BCL2L13: variants seen among roughly 807,000 people sequenced by gnomAD.
BCL2L13 encodes the protein BCL2 like 13, also known as bcl-2-like protein 13.
In BCL2L13, 13 loss-of-function variants were observed where a neutral mutation model predicts 25.8. That is an observed-to-expected ratio of 0.50 (90% CI 0.33 to 0.80). BCL2L13 has a LOEUF of 0.80. BCL2L13 is among the 30% of genes least tolerant of loss of function. The pLI, the probability that BCL2L13 is intolerant of heterozygous loss-of-function variation, is 0.02. For synonymous variants in BCL2L13, 244 were observed against 230.3 expected (o/e 1.06, Z -0.54); for missense variants, 504 against 574.9 (o/e 0.88, Z 1.26).
chr22:17,656,201 C>G (rs991520251), intron 2 of BCL2L13, among the ~76,000 whole-genome samples: 1 of 147,676 alleles, frequency 6.8e-6, no homozygotes, highest in Non-Finnish European at 1.5e-5. Flanking sequence ...GATCGCACCA[C>G]TGCGCTCCAG....
At chr22:17,689,908 G>T (rs1210448370) in intron 4 of BCL2L13, among the ~76,000 whole-genome samples, 2 of 151,624 alleles carry the variant, frequency 1.3e-5, no homozygotes, top group Non-Finnish European at 2.9e-5. Flanking sequence ...CAACTTTAGG[G>T]TTGCACATCT....
chr22:17,686,860 A>G (rs945443315), intron 3 of BCL2L13, among the ~76,000 whole-genome samples: 2 of 152,266 alleles, frequency 1.3e-5, no homozygotes, highest in African/African-American at 4.8e-5. Context: ...GATTCTCTTC[A>G]TGTATATTCT....
intron 5 of BCL2L13, among the ~76,000 whole-genome samples, chr22:17,700,542 G>A (rs1210155392): frequency 6.6e-6 from 1 of 152,150 alleles, no homozygotes. Context: ...TTGAAGTCCA[G>A]AACATCCCGG....
intron 2 of BCL2L13, among the ~76,000 whole-genome samples, chr22:17,660,941 C>T (rs1208515884): frequency 1.4e-5 from 2 of 143,524 alleles, no homozygotes; most frequent in Non-Finnish European, 3.2e-5. Flanking sequence ...CATGCCACCA[C>T]ACCCAGCTAA....
At chr22:17,685,511 A>T (rs1157245747) in intron 3 of BCL2L13, among the ~76,000 whole-genome samples, 1 of 152,128 alleles carries the variant, frequency 6.6e-6, no homozygotes, top group Non-Finnish European at 1.5e-5. Context: ...GGCGTGAACA[A>T]CTGCACCTGG....
chr22:17,719,864 A>G (rs1476009884), intron 6 of BCL2L13, among the ~76,000 whole-genome samples: 1 of 149,184 alleles, frequency 6.7e-6, no homozygotes, highest in Non-Finnish European at 1.5e-5. Context: ...TGAAGTATGG[A>G]TACATGCTAC....
Position 17,661,432 on chromosome 22 carries a change from G to C in BCL2L13, c.121+5600G>C, listed in dbSNP as rs1399728597. ...AGTGGTACTTTTTAAAAAACTTTAA[G>C]CTAGTGTTGTAAACTTTTCTTTTTA... On this transcript the variant is annotated intron_variant, in intron 2 of 6. Coordinates refer to ENST00000317582, the MANE Select transcript of BCL2L13 (RefSeq NM_015367.4). Among the ~76,000 whole-genome samples the C allele has an allele frequency of 1.4e-5, 2 of 145,930 alleles. 1 individual carries two copies. Among genetic ancestry groups the C allele is most frequent in the Non-Finnish European group, 3.1e-5 (2 of 64,234 alleles).
chr22:17,699,529 T>C (rs2060368170), intron 5 of BCL2L13, among the ~76,000 whole-genome samples: 1 of 152,128 alleles, frequency 6.6e-6, no homozygotes, highest in African/African-American at 2.4e-5. Flanking sequence ...GTAATCTGTT[T>C]TGATGGTCAA....
At chr22:17,685,754 C>CTTTTTCTT (rs2059909673) in intron 3 of BCL2L13, among the ~76,000 whole-genome samples, 1 of 53,996 alleles carries the variant, frequency 1.9e-5, no homozygotes, top group African/African-American at 6.3e-5. Context: ...ATAATTTTTT[C>CTTTTTCTT]TTTTTCTTTT....
At chr22:17,703,371 T>C (rs1455146991) in intron 6 of BCL2L13, 1 of 152,230 alleles carries the variant, frequency 6.6e-6, no homozygotes, top group African/African-American at 2.4e-5. Flanking sequence ...AGAGACATGT[T>C]CTATTTGCTA....
At position 17,727,694 on chromosome 22, in the gene BCL2L13, A is replaced by C. The variant is rs1025740315; in HGVS notation, c.*160A>C. On this transcript the variant is annotated 3_prime_UTR_variant, in exon 7 of 7. Transcript: ENST00000317582. ...GGCATGTTAGGCATGTTAGGGCTTG[A>C]GGTGGGGCATTCACATTCATCTGAC... 1.2e-5 allele frequency: 11 copies of C among 932,190 alleles called. No individual in the cohort carries two copies. The Admixed American group carries it at 3.1e-4, about 26-fold the overall frequency. The allele number at this position is 932,190 out of a possible 1,614,324, so 57.7% of individuals were successfully genotyped here.
At chr22:17,682,469 G>A (rs931267373) in intron 2 of BCL2L13, among the ~76,000 whole-genome samples, 13 of 152,124 alleles carry the variant, frequency 8.5e-5, no homozygotes, top group Non-Finnish European at 7.3e-5. Context: ...ATTTGAAGTG[G>A]GGGGAATGGA....
chr22:17,685,512 C>T (rs140179402), intron 3 of BCL2L13, among the ~76,000 whole-genome samples: 1,798 of 152,258 alleles, frequency 0.012, 13 homozygotes, highest in Middle Eastern at 0.02. Flanking sequence ...GCGTGAACAA[C>T]TGCACCTGGC....
At chr22:17,639,972 A>C (rs534186469) in intron 1 of BCL2L13, among the ~76,000 whole-genome samples, 2 of 151,744 alleles carry the variant, frequency 1.3e-5, no homozygotes, top group East Asian at 3.9e-4. Context: ...CTCCTGCCTC[A>C]GCCTCCCGAG....
intron 1 of BCL2L13, among the ~76,000 whole-genome samples, chr22:17,629,774 A>G (rs1240512184): frequency 1.3e-5 from 2 of 151,938 alleles, no homozygotes; most frequent in African/African-American, 4.8e-5. Flanking sequence ...TAGATTCAAC[A>G]ATTGTTAACA....
intron 1 of BCL2L13, among the ~76,000 whole-genome samples, chr22:17,651,208 C>G (rs535854956): frequency 1.3e-5 from 2 of 151,758 alleles, no homozygotes; most frequent in South Asian, 4.2e-4. Flanking sequence ...CCATGTTGGC[C>G]AGGATGGTCT....
chr22:17,684,815 C>T, intron 3 of BCL2L13: 1 of 339,988 alleles, frequency 2.9e-6, no homozygotes, highest in Non-Finnish European at 5.8e-6. Flanking sequence ...TCACTGCAAG[C>T]TCCGCCTCCT....
intron 1 of BCL2L13, among the ~76,000 whole-genome samples, chr22:17,648,088 C>A (rs1295271499): frequency 6.6e-6 from 1 of 151,728 alleles, no homozygotes; most frequent in South Asian, 2.1e-4. Context: ...CGAGGTCATG[C>A]CACTGCACTC....
At chr22:17,655,638 A>T in intron 1 of BCL2L13, 24 bp from the exon 2 acceptor site, 1 of 1,544,158 alleles carries the variant, frequency 6.5e-7, no homozygotes, top group Non-Finnish European at 8.7e-7. Context: ...CTTTAAACTG[A>T]AAAAATTACT....
Sources: gnomAD v4.1 joint callset for allele counts (sites outside exome capture counted in the v4.1 genomes callset) on GRCh38, gnomAD v4.1.1 for gene constraint, MANE v1.5 for transcripts, NCBI Gene and HGNC (gene_info 2026-07-23, HGNC 2026-07-21) for gene names.